SLC6A15: variants seen among roughly 807,000 people sequenced by gnomAD.
SLC6A15 encodes sodium-dependent neutral amino acid transporter B(0)AT2.
Under a neutral mutation model 68.5 loss-of-function variants are expected in SLC6A15, and 33 were observed. The observed-to-expected ratio is 0.48, with a 90% CI of 0.37 to 0.64. The LOEUF (loss-of-function observed/expected upper bound fraction) is 0.64, where lower values mean the gene tolerates loss of function less well. Among genes scored for constraint, SLC6A15 ranks in the 30% least tolerant of loss-of-function variants. The pLI is 0.00. For missense variants in SLC6A15, 747 were observed against 874.3 expected (o/e 0.85, Z 1.84); for synonymous variants, 347 against 301.0 (o/e 1.15, Z -1.58).
intron 1 of SLC6A15, among the ~76,000 whole-genome samples, chr12:84,899,491 C>T (rs1190580275): frequency 1.3e-5 from 2 of 152,172 alleles, no homozygotes; most frequent in Non-Finnish European, 2.9e-5. Flanking sequence ...TAGTCATGGA[C>T]ATTGGTTCCT....
Position 84,891,926 on chromosome 12 carries a change from G to C in SLC6A15, c.195C>G (p.Asn65Lys). ...SEVEDERPAW[N>K]SKLQYILAQV... ...GGGCCAGGATGTATTGTAGTTTACTGTTCCAAGCTGGTCTTTCATCTTCGA... is the reference window on the plus strand; with the variant it reads ...GGGCCAGGATGTATTGTAGTTTACTCTTCCAAGCTGGTCTTTCATCTTCGA... The change falls in exon 2 of 12, where the codon AAC (asparagine) becomes AAG (lysine). Residue 65 changes from asparagine to lysine, a missense_variant. Physicochemically the swap from Asn to Lys is moderately conservative, Grantham distance 94. Transcript: ENST00000266682. The C allele has an allele frequency of 1.2e-6, 2 of 1,613,998 alleles. No homozygotes were observed. Among genetic ancestry groups the C allele is most frequent in the Middle Eastern group, 1.6e-4 (1 of 6,062 alleles).
At chr12:84,885,127 A>G (rs1201463560) in intron 4 of SLC6A15, among the ~76,000 whole-genome samples, 1 of 152,138 alleles carries the variant, frequency 6.6e-6, no homozygotes, top group African/African-American at 2.4e-5. Context: ...AGTTTTAATG[A>G]AAATGTAAGG....
At chr12:84,894,980 A>G (rs966304261) in intron 1 of SLC6A15, among the ~76,000 whole-genome samples, 1 of 152,108 alleles carries the variant, frequency 6.6e-6, no homozygotes, top group Non-Finnish European at 1.5e-5. Context: ...TGCATGCATT[A>G]AAAGCTCCTT....
At position 84,876,511 on chromosome 12, in the gene SLC6A15, T is replaced by G. The variant is rs1871551663; in HGVS notation, c.853A>C (p.Met285Leu). The G allele has an allele frequency of 1.9e-6, 3 of 1,576,508 alleles. No individual in the cohort carries two copies. Among genetic ancestry groups the G allele is most frequent in the African/African-American group, 2.7e-5 (2 of 73,686 alleles). ...ATGGTACATACCTTAGGGGTAAACA[T>G]GTGGCGAATGCCATCAATTGAACCA... Reference protein sequence around the residue: ...LNGSIDGIRHMFTPKLEIMLE... With the variant: ...LNGSIDGIRHLFTPKLEIMLE... Residue 285 changes from methionine (M) to leucine (L), a missense_variant, in exon 6 of 12, where the codon ATG becomes CTG. Physicochemically the swap from Met to Leu is conservative, Grantham distance 15. Transcript: ENST00000266682.
In SLC6A15 at chr12:84,876,478, A is replaced by T; in HGVS notation, c.867+19T>A. Reference sequence around the variant, plus strand: ...ATGCTTTCATGATCATAAGCCTTAAATAGAAATATGGTACATACCTTAGGG... The same window carrying T: ...ATGCTTTCATGATCATAAGCCTTAATTAGAAATATGGTACATACCTTAGGG... On this transcript the variant is annotated intron_variant, in intron 6 of 11. Transcript: ENST00000266682. 1 of 1,240,416 alleles carries T rather than the reference A, an allele frequency of 8.1e-7. No individual in the cohort carries two copies. The highest frequency in any genetic ancestry group is 1.2e-6 in the Non-Finnish European group (1 of 869,552). 76.8% of individuals were successfully genotyped at this position (1,240,416 alleles called of 1,614,324 possible).
chr12:84,891,208 T>G (rs1204766687), intron 2 of SLC6A15, among the ~76,000 whole-genome samples: 1 of 152,190 alleles, frequency 6.6e-6, no homozygotes, highest in African/African-American at 2.4e-5. Context: ...CTAATTTCTT[T>G]AAAGTTGTCT....
At position 84,867,185 on chromosome 12, in the gene SLC6A15, A is replaced by G. The variant is rs752023128; in HGVS notation, c.1504T>C (p.Cys502Arg). The change falls in exon 10 of 12, where the codon TGT becomes CGT. Residue 502 changes from cysteine (C) to arginine (R), a missense_variant. Transcript: ENST00000266682. Reference sequence around the variant, plus strand: ...AGGCCAATACAAAATGCCAGAAGACAACAGATAACTAGACAAAAGAAATAA... The same window carrying G: ...AGGCCAATACAAAATGCCAGAAGACGACAGATAACTAGACAAAAGAAATAA... ...VRKEILTVIC[C>R]LLAFCIGLIF... is the part of the protein sequence containing the mutation. The G allele has an allele frequency of 6.3e-7, 1 of 1,597,380 alleles. No homozygotes were observed. The highest frequency in any genetic ancestry group is 1.1e-5 in the South Asian group (1 of 87,018).
chr12:84,895,655 TTTTTAC>T (rs1287905553), intron 1 of SLC6A15, among the ~76,000 whole-genome samples: 2 of 152,064 alleles, frequency 1.3e-5, no homozygotes, highest in Non-Finnish European at 2.9e-5. Flanking sequence ...TTTGTTTGTA[TTTTTAC>T]TTTAAGACCA....
At chr12:84,889,228 T>C (rs1437279774) in intron 2 of SLC6A15, among the ~76,000 whole-genome samples, 4 of 151,832 alleles carry the variant, frequency 2.6e-5, no homozygotes, top group Admixed American at 1.3e-4. Flanking sequence ...CGGTGGCTCA[T>C]GCCTGTAGTC....
In SLC6A15 at chr12:84,870,781, G is replaced by A. The variant is rs1871255250; in HGVS notation, c.1303-111C>T. Reference sequence around the variant, plus strand: ...TCTCTGAATAATGGCCAGGACTGCTGGAAATAGACATGCTCAAATCAGCTC... The same window carrying A: ...TCTCTGAATAATGGCCAGGACTGCTAGAAATAGACATGCTCAAATCAGCTC... On this transcript the variant is annotated intron_variant, in intron 8 of 11. Coordinates refer to ENST00000266682, the MANE Select transcript of SLC6A15 (RefSeq NM_182767.6). 2.5e-5 allele frequency: 15 copies of A among 594,842 alleles called. No homozygotes were observed. In the Middle Eastern group the frequency reaches 1.9e-3, roughly 77 times the overall value. The allele number at this position is 594,842 out of a possible 1,614,324, so 36.8% of individuals were successfully genotyped here. A position where few individuals can be genotyped will look rare whatever the true frequency, so the allele number is the denominator to read the frequency against.
intron 1 of SLC6A15, among the ~76,000 whole-genome samples, chr12:84,906,195 C>T (rs1008955862): frequency 1.3e-5 from 2 of 152,080 alleles, no homozygotes; most frequent in African/African-American, 4.8e-5. Flanking sequence ...ATAGCATTTA[C>T]AATCATTAAA....
At chr12:84,898,274 A>T (rs138806074) in intron 1 of SLC6A15, among the ~76,000 whole-genome samples, 2 of 152,222 alleles carry the variant, frequency 1.3e-5, no homozygotes, top group Admixed American at 6.5e-5. Context: ...CAGGAGGTGG[A>T]TGTTGCAGTG....
intron 1 of SLC6A15, among the ~76,000 whole-genome samples, chr12:84,895,418 C>T (rs1305749558): frequency 1.5e-4 from 19 of 123,250 alleles, no homozygotes; most frequent in African/African-American, 6.0e-4. Context: ...GGCATGATCT[C>T]GGCTCACCAC....
At position 84,882,911 on chromosome 12, in the gene SLC6A15, C is replaced by T. The variant is rs956507955; in HGVS notation, c.756+948G>A. The T allele has an allele frequency of 1.6e-4, 107 of 676,804 alleles. No individual in the cohort carries two copies. The African/African-American group carries it at 1.9e-3, about 12-fold the overall frequency. The allele number at this position is 676,804 out of a possible 1,614,324, so 41.9% of individuals were successfully genotyped here. A position where few individuals can be genotyped will look rare whatever the true frequency, so the allele number is the denominator to read the frequency against. On this transcript the variant is annotated intron_variant, in intron 5 of 11. Transcript: ENST00000266682. Reference sequence around the variant, plus strand: ...TTCTTGTCAGAAACATCTTTATCATCATTTATTATTATTGTTATTATGACT... The same window carrying T: ...TTCTTGTCAGAAACATCTTTATCATTATTTATTATTATTGTTATTATGACT...
At chr12:84,890,741 A>T (rs1428307184) in intron 2 of SLC6A15, among the ~76,000 whole-genome samples, 1 of 152,196 alleles carries the variant, frequency 6.6e-6, no homozygotes, top group African/African-American at 2.4e-5. Context: ...GAAAAAATTT[A>T]CATACGCATG....
chr12:84,883,000 G>T (rs1392383653), intron 5 of SLC6A15: 2 of 984,222 alleles, frequency 2.0e-6, no homozygotes, highest in Non-Finnish European at 2.4e-6. Context: ...ATGATGATGA[G>T]TGGTAATAAG....
intron 5 of SLC6A15, chr12:84,883,061 G>A: frequency 1.0e-6 from 1 of 984,058 alleles, no homozygotes; most frequent in Non-Finnish European, 1.2e-6. Context: ...CAGCTGGACA[G>A]TTAAACGGCA....
At chr12:84,894,440 A>G (rs1872548856) in intron 1 of SLC6A15, among the ~76,000 whole-genome samples, 1 of 152,108 alleles carries the variant, frequency 6.6e-6, no homozygotes, top group African/African-American at 2.4e-5. Context: ...CTCAGTTCCC[A>G]CAATAAACTT....
At chr12:84,894,166 A>G (rs1009369848) in intron 1 of SLC6A15, among the ~76,000 whole-genome samples, 2 of 152,204 alleles carry the variant, frequency 1.3e-5, no homozygotes, top group African/African-American at 2.4e-5. Flanking sequence ...AAATATAGCC[A>G]TTGAAAAACT....
Sources: gnomAD v4.1 joint callset for allele counts (sites outside exome capture counted in the v4.1 genomes callset) on GRCh38, gnomAD v4.1.1 for gene constraint, MANE v1.5 for transcripts, NCBI Gene and HGNC (gene_info 2026-07-23, HGNC 2026-07-21) for gene names.